Variants in XYLT1 observed in about 807,000 individuals in gnomAD.
XYLT1 encodes xylosyltransferase 1.
XYLT1 carries 36 observed loss-of-function variants against 91.3 expected under a neutral mutation model. The observed-to-expected ratio is 0.39, with a 90% CI of 0.30 to 0.52. The LOEUF (loss-of-function observed/expected upper bound fraction) is 0.52. Among genes scored for constraint, XYLT1 ranks in the 20% least tolerant of loss-of-function variants. The pLI, the probability that XYLT1 is intolerant of heterozygous loss-of-function variation, is 0.68. For synonymous variants in XYLT1, 588 were observed against 532.0 expected (o/e 1.11, Z -1.45); for missense variants, 1,242 against 1,284.5 (o/e 0.97, Z 0.51).
At chr16:17,121,264 C>T (rs1301976890) in intron 10 of XYLT1, among the ~76,000 whole-genome samples, 2 of 152,320 alleles carry the variant, frequency 1.3e-5, no homozygotes, top group African/African-American at 2.4e-5. Flanking sequence ...TCCCTGAAAT[C>T]GAGTTTTAAA....
At chr16:17,303,824 A>T (rs2034432655) in intron 2 of XYLT1, among the ~76,000 whole-genome samples, 1 of 152,198 alleles carries the variant, frequency 6.6e-6, no homozygotes, top group East Asian at 1.9e-4. Flanking sequence ...GATTTTTCAG[A>T]TGAAGATTTT....
intron 1 of XYLT1, among the ~76,000 whole-genome samples, chr16:17,470,036 G>A (rs1392066361): frequency 6.6e-6 from 1 of 152,066 alleles, no homozygotes; most frequent in Non-Finnish European, 1.5e-5. Flanking sequence ...TGCGACAACC[G>A]CCCAGGAACA....
chr16:17,350,839 T>A (rs540536774), intron 2 of XYLT1, among the ~76,000 whole-genome samples: 8 of 152,148 alleles, frequency 5.3e-5, no homozygotes, highest in Non-Finnish European at 1.2e-4. Context: ...AGCAATTGTG[T>A]TAATCCCAGG....
chr16:17,139,640 G>T (rs1016877375), intron 7 of XYLT1, among the ~76,000 whole-genome samples: 2 of 152,262 alleles, frequency 1.3e-5, no homozygotes, highest in African/African-American at 4.8e-5. Context: ...TTGCCTACAA[G>T]CCCAGGGAGG....
At chr16:17,272,135 A>G (rs1179172888) in intron 2 of XYLT1, among the ~76,000 whole-genome samples, 2 of 132,510 alleles carry the variant, frequency 1.5e-5, no homozygotes, top group Non-Finnish European at 3.3e-5. Flanking sequence ...ATGTCTTTTA[A>G]TTTATTTTTT....
chr16:17,302,579 C>T (rs1419597088), intron 2 of XYLT1, among the ~76,000 whole-genome samples: 1 of 152,188 alleles, frequency 6.6e-6, no homozygotes, highest in Non-Finnish European at 1.5e-5. Flanking sequence ...AGCTCTTTGT[C>T]AAATCTCCAG....
chr16:17,134,723 G>A lies in XYLT1; in HGVS notation c.1777C>T (p.Pro593Ser). 1 of 1,614,178 alleles carries A rather than the reference G, an allele frequency of 6.2e-7. No individual in the cohort carries two copies. Among genetic ancestry groups the A allele is most frequent in the Non-Finnish European group, 8.5e-7 (1 of 1,180,028 alleles). ...DFHRFQQTARPTFFARKFEAV... is the reference protein window; with the variant it reads ...DFHRFQQTARSTFFARKFEAV... ...TCAAACTTGCGGGCAAAGAAGGTAG[G>A]CCGGGCTGTCTGCTGTACTCATGGG... Residue 593 changes from proline to serine, a missense_variant, in exon 9 of 12, where the codon CCT becomes TCT. Around this residue, in one of 3 missense-constraint regions of XYLT1, gnomAD observed 511 missense variants for 497.0 expected, o/e 1.03. Coordinates refer to ENST00000261381, the MANE Select transcript of XYLT1 (RefSeq NM_022166.4).
chr16:17,429,693 T>A (rs953049692), intron 1 of XYLT1, among the ~76,000 whole-genome samples: 1 of 152,174 alleles, frequency 6.6e-6, no homozygotes, highest in East Asian at 1.9e-4. Context: ...AGCCAGTAGA[T>A]GGAGGGCCCA....
At chr16:17,386,249 G>A (rs1011432256) in intron 1 of XYLT1, among the ~76,000 whole-genome samples, 2 of 152,100 alleles carry the variant, frequency 1.3e-5, no homozygotes, top group Admixed American at 6.5e-5. Flanking sequence ...ATGTTGGGCC[G>A]GGCACTCTAA....
Position 17,295,450 on chromosome 16 carries a change from G to A in XYLT1, c.403-35952C>T, listed in dbSNP as rs1309773087. The stretch of plus-strand genomic sequence containing the variant: ...GGCTCACTGCAACCTCCATCTCCCA[G>A]GTTCAAGCAATTCTCCCACCTCAGC... On this transcript the variant is annotated intron_variant, in intron 2 of 11. Transcript: ENST00000261381. 3.9e-5 allele frequency among the ~76,000 whole-genome samples: 6 copies of A among 152,080 alleles called. No homozygotes were observed. In the South Asian group the frequency reaches 1.0e-3, roughly 26 times the overall value.
At chr16:17,296,277 G>T (rs2034308800) in intron 2 of XYLT1, among the ~76,000 whole-genome samples, 1 of 151,212 alleles carries the variant, frequency 6.6e-6, no homozygotes, top group Non-Finnish European at 1.5e-5. Flanking sequence ...CCTGGGGGGT[G>T]TTGGGGTACC....
At chr16:17,267,908 C>T (rs192569595) in intron 2 of XYLT1, among the ~76,000 whole-genome samples, 1 of 151,396 alleles carries the variant, frequency 6.6e-6, no homozygotes, top group Admixed American at 6.6e-5. Context: ...GAATTTAAAA[C>T]ACTTAATACC....
intron 3 of XYLT1, among the ~76,000 whole-genome samples, chr16:17,237,465 G>T (rs904293479): frequency 5.3e-5 from 8 of 152,262 alleles, no homozygotes; most frequent in Middle Eastern, 6.8e-3. Context: ...TAAGATCAAT[G>T]CCCTTCGTCC....
At chr16:17,440,952 G>A (rs533746985) in intron 1 of XYLT1, among the ~76,000 whole-genome samples, 9 of 152,250 alleles carry the variant, frequency 5.9e-5, no homozygotes, top group African/African-American at 1.9e-4. Flanking sequence ...TCTGTAAAAC[G>A]GGCATAACCA....
At chr16:17,128,236 T>C (rs1273647315) in intron 9 of XYLT1, among the ~76,000 whole-genome samples, 1 of 152,080 alleles carries the variant, frequency 6.6e-6, no homozygotes, top group Non-Finnish European at 1.5e-5. Context: ...TATGCATCTA[T>C]TTGCATAAAT....
rs558535392 is a variant in XYLT1, at chr16:17,410,502, A to G, written c.364-52452T>C. On this transcript the variant is annotated intron_variant, in intron 1 of 11. Coordinates refer to ENST00000261381, the MANE Select transcript of XYLT1 (RefSeq NM_022166.4). Reference sequence around the variant, plus strand: ...GATCTCATGAGACTCATTCACTATCACGAGAACAGCGCAGGAAAGACTCAC... The same window carrying G: ...GATCTCATGAGACTCATTCACTATCGCGAGAACAGCGCAGGAAAGACTCAC... 2.6e-5 allele frequency among the ~76,000 whole-genome samples: 4 copies of G among 152,148 alleles called. No individual in the cohort carries two copies. In the East Asian group the frequency reaches 7.7e-4, roughly 29 times the overall value.
chr16:17,243,902 C>T (rs765975367), intron 3 of XYLT1, among the ~76,000 whole-genome samples: 21 of 152,072 alleles, frequency 1.4e-4, no homozygotes, highest in Non-Finnish European at 2.6e-4. Context: ...AAGCAGATGC[C>T]CAGGTCTCCC....
intron 3 of XYLT1, among the ~76,000 whole-genome samples, chr16:17,234,827 T>C (rs2871682): frequency 0.99 from 151,391 of 152,300 alleles, 75,247 homozygotes; most frequent in Middle Eastern, 1. Flanking sequence ...CACAGAGAAA[T>C]GTCTGTCTGC....
chr16:17,461,554 TGGATGGAC>T (rs2036822516), intron 1 of XYLT1, among the ~76,000 whole-genome samples: 1 of 151,996 alleles, frequency 6.6e-6, no homozygotes, highest in African/African-American at 2.4e-5. Context: ...GATGGGTAAA[TGGATGGAC>T]AGATGGATGG....
Sources: gnomAD v4.1 joint callset for allele counts (sites outside exome capture counted in the v4.1 genomes callset) on GRCh38, gnomAD v4.1.1 for gene constraint, gnomAD v4.1.1 regional missense constraint, MANE v1.5 for transcripts, NCBI Gene and HGNC (gene_info 2026-07-23, HGNC 2026-07-21) for gene names.